USH2A: variants seen among roughly 807,000 people sequenced by gnomAD.
USH2A encodes the protein usherin.
Under a neutral mutation model 538.9 loss-of-function variants are expected in USH2A, and 443 were observed. The observed-to-expected ratio is 0.82, with a 90% CI of 0.76 to 0.89. The LOEUF (loss-of-function observed/expected upper bound fraction) is 0.89, where lower values mean the gene tolerates loss of function less well. USH2A is among the 40% of genes least tolerant of loss of function. The pLI is 0.00. For missense variants in USH2A, 6,633 were observed against 6,324.8 expected (o/e 1.05, Z -1.65); for synonymous variants, 2,413 against 2,273.5 (o/e 1.06, Z -1.75).
At chr1:216,177,541 G>C (rs2034414050) in intron 20 of USH2A, among the ~76,000 whole-genome samples, 1 of 152,054 alleles carries the variant, frequency 6.6e-6, no homozygotes, top group African/African-American at 2.4e-5. Flanking sequence ...TCAGCCTCTT[G>C]GTCCTAGAGA....
At chr1:216,307,047 C>T (rs989892839) in intron 9 of USH2A, among the ~76,000 whole-genome samples, 3 of 146,818 alleles carry the variant, frequency 2.0e-5, no homozygotes, top group South Asian at 2.1e-4. Flanking sequence ...AGAGCATCAA[C>T]GGCAGTAGCA....
At chr1:215,765,750 TCA>T (rs1429781242) in intron 56 of USH2A, among the ~76,000 whole-genome samples, 3 of 152,204 alleles carry the variant, frequency 2.0e-5, no homozygotes, top group African/African-American at 7.2e-5. Context: ...TGCCATTTTC[TCA>T]GTTTGTTCTT....
intron 54 of USH2A, among the ~76,000 whole-genome samples, chr1:215,781,190 A>G (rs1194854566): frequency 6.6e-6 from 1 of 151,886 alleles, no homozygotes; most frequent in Admixed American, 6.6e-5. Flanking sequence ...CATTACTTCA[A>G]CTTCCCATAC....
rs762441831 is a variant in USH2A, at chr1:215,888,606, C to A, written c.8043G>T (p.Met2681Ile). The change falls in exon 41 of 72, where the codon ATG becomes ATT. Residue 2681 changes from methionine to isoleucine, a missense_variant. Physicochemically the swap from Met to Ile is conservative, Grantham distance 10. Transcript: ENST00000307340. ...TLVTLPRSHS[M>I]RFIDKTSALS... ...GAGCAGAAGTCTTGTCAATAAACCTCATGGAATGACTCCTCGGGAGAGTCA... is the reference window on the plus strand; with the variant it reads ...GAGCAGAAGTCTTGTCAATAAACCTAATGGAATGACTCCTCGGGAGAGTCA... 6.2e-7 allele frequency: 1 copy of A among 1,614,178 alleles called. No homozygotes were observed. Among genetic ancestry groups the A allele is most frequent in the South Asian group, 1.1e-5 (1 of 91,084 alleles).
intron 27 of USH2A, among the ~76,000 whole-genome samples, chr1:216,074,334 C>CTG (rs2031676241): frequency 6.6e-6 from 1 of 151,444 alleles, no homozygotes; most frequent in South Asian, 2.1e-4. Context: ...TTCTCTCTCT[C>CTG]TCTCTCTCTC....
Position 216,349,386 on chromosome 1 carries a change from G to A in USH2A, c.784+15567C>T, listed in dbSNP as rs569537040. ...CAACTCCATCTTGAATAGGGGCTCC[G>A]TAAAATAAGGCTGAGGCCTACTGGG... On this transcript the variant is annotated intron_variant, in intron 4 of 71. Transcript: ENST00000307340. Among the ~76,000 whole-genome samples the A allele has an allele frequency of 1.1e-4, 17 of 152,196 alleles. No homozygotes were observed. In the South Asian group the frequency reaches 2.1e-3, roughly 19 times the overall value.
At chr1:216,165,231 A>T (rs945442742) in intron 21 of USH2A, among the ~76,000 whole-genome samples, 3 of 152,174 alleles carry the variant, frequency 2.0e-5, no homozygotes, top group African/African-American at 7.2e-5. Flanking sequence ...AACCTATTGC[A>T]ATAAGCCCTA....
chr1:216,072,083 A>G (rs191514656), intron 29 of USH2A, among the ~76,000 whole-genome samples: 1 of 152,328 alleles, frequency 6.6e-6, no homozygotes, highest in East Asian at 1.9e-4. Context: ...TGATGGAAAC[A>G]CGTCTTTAGA....
At chr1:215,812,991 T>C (rs961265320) in intron 49 of USH2A, among the ~76,000 whole-genome samples, 8 of 152,214 alleles carry the variant, frequency 5.3e-5, no homozygotes, top group African/African-American at 1.9e-4. Context: ...GTTTCCTTAC[T>C]TGTAAACTGC....
intron 44 of USH2A, among the ~76,000 whole-genome samples, chr1:215,856,804 A>C (rs1442592223): frequency 6.6e-6 from 1 of 151,498 alleles, no homozygotes; most frequent in Non-Finnish European, 1.5e-5. Flanking sequence ...CCAAACGCCC[A>C]TCAATCAATG....
intron 35 of USH2A, among the ~76,000 whole-genome samples, chr1:215,987,291 C>T (rs41445044): frequency 0.2 from 30,737 of 152,094 alleles, 4,349 homozygotes; most frequent in East Asian, 0.6. Flanking sequence ...CTACACAATA[C>T]AGGTCACAAA....
rs144428010 is a variant in USH2A at position 216,002,886 on chromosome 1, C to T, written c.6326-2324G>A. 9.2e-5 allele frequency among the ~76,000 whole-genome samples: 14 copies of T among 152,184 alleles called. No individual in the cohort carries two copies. The East Asian group carries it at 2.7e-3, about 29-fold the overall frequency. On this transcript the variant is annotated intron_variant, in intron 32 of 71. Transcript: ENST00000307340. ...GTAGGACTTAGGTATCTCAAGAATG[C>T]ATCATCATATTATCACATATCGCAG...
chr1:216,038,213 C>T (rs2030084686), intron 32 of USH2A, among the ~76,000 whole-genome samples: 2 of 152,152 alleles, frequency 1.3e-5, no homozygotes, highest in Admixed American at 6.6e-5. Context: ...CTCTTTGGGG[C>T]ATTGTCCTCA....
intron 4 of USH2A, among the ~76,000 whole-genome samples, chr1:216,336,247 G>T (rs1414773942): frequency 6.6e-6 from 1 of 151,274 alleles, no homozygotes; most frequent in Non-Finnish European, 1.5e-5. Flanking sequence ...TATTAAAGAA[G>T]ACAACTTCCT....
At chr1:215,824,685 T>C (rs1286397869) in intron 47 of USH2A, among the ~76,000 whole-genome samples, 1 of 152,174 alleles carries the variant, frequency 6.6e-6, no homozygotes, top group Non-Finnish European at 1.5e-5. Flanking sequence ...CTCACAGAGA[T>C]AGAGCCCTTC....
intron 20 of USH2A, among the ~76,000 whole-genome samples, chr1:216,188,045 A>AT (rs1244812670): frequency 5.3e-5 from 8 of 152,072 alleles, no homozygotes; most frequent in East Asian, 1.9e-4. Flanking sequence ...TTTTTCAAGG[A>AT]TAAAAAAAAT....
chr1:216,255,237 T>A (rs1335810665), intron 11 of USH2A, among the ~76,000 whole-genome samples: 1 of 152,152 alleles, frequency 6.6e-6, no homozygotes, highest in Non-Finnish European at 1.5e-5. Context: ...ATCATCCCCA[T>A]GAGATGCAGT....
chr1:215,844,291 A>G lies in USH2A; in HGVS notation c.9258+3T>C, dbSNP rs1553268427. On this transcript the variant is annotated splice_donor_region_variant and intron_variant, in intron 46 of 71. Coordinates refer to ENST00000307340, the MANE Select transcript of USH2A (RefSeq NM_206933.4). ...CCTAACCATCAAAAAACAATGTTCTAACCTGAATGTCATAGATAGTGAAGG... is the reference window on the plus strand; with the variant it reads ...CCTAACCATCAAAAAACAATGTTCTGACCTGAATGTCATAGATAGTGAAGG... The G allele has an allele frequency of 1.2e-6, 2 of 1,613,232 alleles. No individual in the cohort carries two copies.
At chr1:215,851,413 G>T (rs1464563619) in intron 44 of USH2A, among the ~76,000 whole-genome samples, 2 of 152,012 alleles carry the variant, frequency 1.3e-5, no homozygotes, top group African/African-American at 4.8e-5. Context: ...CAAGGCTACT[G>T]TGAACACCTT....
Sources: gnomAD v4.1 joint callset for allele counts (sites outside exome capture counted in the v4.1 genomes callset) on GRCh38, gnomAD v4.1.1 for gene constraint, MANE v1.5 for transcripts, NCBI Gene and HGNC (gene_info 2026-07-23, HGNC 2026-07-21) for gene names.